KCNQ5: variants seen among roughly 807,000 people sequenced by gnomAD.
KCNQ5 encodes the protein potassium voltage-gated channel subfamily KQT member 5.
In KCNQ5, 30 loss-of-function variants were observed where a neutral mutation model predicts 98.2. That is an observed-to-expected ratio of 0.31 (90% CI 0.23 to 0.41). The LOEUF (loss-of-function observed/expected upper bound fraction) is 0.41. Among genes scored for constraint, KCNQ5 ranks in the 10% least tolerant of loss-of-function variants. The pLI, the probability that KCNQ5 is intolerant of heterozygous loss-of-function variation, is 1.00. For missense variants in KCNQ5, 835 were observed against 1,182.5 expected (o/e 0.71, Z 4.31); for synonymous variants, 458 against 449.4 (o/e 1.02, Z -0.24).
intron 10 of KCNQ5, among the ~76,000 whole-genome samples, chr6:73,138,721 T>C (rs1776580495): frequency 6.6e-6 from 1 of 152,170 alleles, no homozygotes; most frequent in African/African-American, 2.4e-5. Flanking sequence ...TGGGAAAAAC[T>C]GGCACAGCCT....
intron 2 of KCNQ5, among the ~76,000 whole-genome samples, chr6:73,025,360 G>A (rs1385693878): frequency 6.6e-6 from 1 of 152,228 alleles, no homozygotes; most frequent in Non-Finnish European, 1.5e-5. Flanking sequence ...GGTGGCTCAC[G>A]CCTGTAATCC....
intron 1 of KCNQ5, among the ~76,000 whole-genome samples, chr6:72,749,932 C>T (rs999949252): frequency 5.9e-5 from 9 of 151,888 alleles, no homozygotes; most frequent in African/African-American, 2.2e-4. Context: ...ACAATGACAA[C>T]AATGTCAAAA....
At chr6:72,996,287 A>G (rs1769296013) in intron 1 of KCNQ5, among the ~76,000 whole-genome samples, 1 of 152,228 alleles carries the variant, frequency 6.6e-6, no homozygotes. Context: ...CTTGGCATCC[A>G]AGGCAAGGAA....
At chr6:72,821,854 A>C (rs1008333809) in intron 1 of KCNQ5, among the ~76,000 whole-genome samples, 1 of 151,912 alleles carries the variant, frequency 6.6e-6, no homozygotes. Context: ...AGAGAACTCT[A>C]TGTAGTGATT....
chr6:72,700,984 A>G (rs1768777849), intron 1 of KCNQ5, among the ~76,000 whole-genome samples: 1 of 152,230 alleles, frequency 6.6e-6, no homozygotes, highest in South Asian at 2.1e-4. Flanking sequence ...CTCTTCTGAC[A>G]TGCGACTACA....
chr6:72,854,758 T>TTGTGTGTGTGTGTGTGTGTG lies in KCNQ5; in HGVS notation c.399-149143_399-149124dup, dbSNP rs34867008. On this transcript the variant is annotated intron_variant, in intron 1 of 13. Transcript: ENST00000370398. ...CACACACACACACACACACCATGGTTTGTGTGTGTGTGTGTGTGTGTGTGT... is the reference window on the plus strand; with the variant it reads ...CACACACACACACACACACCATGGTTTGTGTGTGTGTGTGTGTGTGTGTGTGTGTGTGTGTGTGTGTGTGT... Among the ~76,000 whole-genome samples the TTGTGTGTGTGTGTGTGTGTG allele has an allele frequency of 2.2e-3, 278 of 127,136 alleles. 2 individuals are homozygous for TTGTGTGTGTGTGTGTGTGTG. The highest frequency in any genetic ancestry group is 7.9e-3 in the African/African-American group (265 of 33,628). The allele number at this position is 127,136 out of a possible 152,430, so 83.4% of individuals were successfully genotyped here. A position where few individuals can be genotyped will look rare whatever the true frequency, so the allele number is the denominator to read the frequency against.
At chr6:73,074,986 T>C (rs1249832605) in intron 3 of KCNQ5, among the ~76,000 whole-genome samples, 1 of 152,206 alleles carries the variant, frequency 6.6e-6, no homozygotes, top group Non-Finnish European at 1.5e-5. Flanking sequence ...ATAAGTAATG[T>C]CTGTTTGTAA....
intron 1 of KCNQ5, among the ~76,000 whole-genome samples, chr6:72,704,397 T>C (rs939637621): frequency 6.6e-6 from 1 of 152,122 alleles, no homozygotes; most frequent in African/African-American, 2.4e-5. Flanking sequence ...TATTAATTAC[T>C]CTGGGTTTTT....
At chr6:72,656,094 C>A (rs1766183428) in intron 1 of KCNQ5, among the ~76,000 whole-genome samples, 1 of 152,096 alleles carries the variant, frequency 6.6e-6, no homozygotes, top group Admixed American at 6.6e-5. Flanking sequence ...TGCAGAGTAC[C>A]ACTTTTGTCT....
chr6:72,921,201 T>A (rs558838247), intron 1 of KCNQ5, among the ~76,000 whole-genome samples: 3 of 152,184 alleles, frequency 2.0e-5, no homozygotes, highest in Non-Finnish European at 2.9e-5. Flanking sequence ...ATAGCCATGC[T>A]GCTTGAGTTG....
chr6:73,142,348 A>G (rs1478213806), intron 10 of KCNQ5, among the ~76,000 whole-genome samples: 2 of 152,106 alleles, frequency 1.3e-5, no homozygotes, highest in African/African-American at 4.8e-5. Flanking sequence ...TAAATTGCAG[A>G]TTTCAACCAG....
intron 1 of KCNQ5, among the ~76,000 whole-genome samples, chr6:72,921,433 G>C (rs1360621933): frequency 6.6e-6 from 1 of 152,148 alleles, no homozygotes; most frequent in Admixed American, 6.6e-5. Flanking sequence ...AGTTGACCAG[G>C]GGCATTTCTG....
At chr6:73,137,709 A>C (rs1026474203) in intron 10 of KCNQ5, among the ~76,000 whole-genome samples, 1 of 152,154 alleles carries the variant, frequency 6.6e-6, no homozygotes, top group South Asian at 2.1e-4. Context: ...TTTATGGATG[A>C]GGAAACTAAG....
At chr6:73,025,150 G>A (rs1275924441) in intron 2 of KCNQ5, among the ~76,000 whole-genome samples, 1 of 152,166 alleles carries the variant, frequency 6.6e-6, no homozygotes. Flanking sequence ...AGTGAAAAGT[G>A]ATCTAATTCT....
chr6:72,941,705 T>C (rs1425870380), intron 1 of KCNQ5, among the ~76,000 whole-genome samples: 1 of 14,418 alleles, frequency 6.9e-5, no homozygotes, highest in African/African-American at 2.3e-4. Context: ...TCTTTCTTTC[T>C]TTCTTTCTTT....
chr6:72,629,708 A>G (rs1257467154), intron 1 of KCNQ5, among the ~76,000 whole-genome samples: 1 of 152,228 alleles, frequency 6.6e-6, no homozygotes, highest in African/African-American at 2.4e-5. Context: ...ATGGTGTGAA[A>G]CTACTTGAAG....
chr6:72,627,725 T>A (rs531843340), intron 1 of KCNQ5, among the ~76,000 whole-genome samples: 1 of 152,232 alleles, frequency 6.6e-6, no homozygotes, highest in East Asian at 1.9e-4. Flanking sequence ...ATATAGCTAC[T>A]CCCCTCTAAT....
chr6:73,085,655 C>T (rs76666800), intron 5 of KCNQ5, among the ~76,000 whole-genome samples: 10,697 of 152,218 alleles, frequency 0.07, 1,087 homozygotes, highest in African/African-American at 0.22. Flanking sequence ...TCAGATTTCA[C>T]AACCTTCTAT....
At chr6:72,740,320 G>C (rs532917864) in intron 1 of KCNQ5, among the ~76,000 whole-genome samples, 14 of 152,316 alleles carry the variant, frequency 9.2e-5, no homozygotes, top group Middle Eastern at 3.4e-3. Context: ...GATGTGAAGG[G>C]AGACCAAGTC....
Sources: gnomAD v4.1 joint callset for allele counts (sites outside exome capture counted in the v4.1 genomes callset) on GRCh38, gnomAD v4.1.1 for gene constraint, MANE v1.5 for transcripts, NCBI Gene and HGNC (gene_info 2026-07-23, HGNC 2026-07-21) for gene names.